PRAG1: variants seen among roughly 807,000 people sequenced by gnomAD.
PRAG1 encodes inactive tyrosine-protein kinase PRAG1.
In PRAG1, 110 loss-of-function variants were observed where a neutral mutation model predicts 95.6. That is an observed-to-expected ratio of 1.15 (90% CI 0.99 to 1.35). The LOEUF (loss-of-function observed/expected upper bound fraction) is 1.35. Among genes scored for constraint, PRAG1 ranks in the 40% most tolerant of loss-of-function variants. The pLI, the probability that PRAG1 is intolerant of heterozygous loss-of-function variation, is 0.00. For missense variants in PRAG1, 2,554 were observed against 1,864.7 expected (o/e 1.37, Z -6.81); for synonymous variants, 1,052 against 819.4 (o/e 1.28, Z -4.85).
At chr8:8,341,472 A>G (rs1228552769) in intron 3 of PRAG1, among the ~76,000 whole-genome samples, 2 of 152,244 alleles carry the variant, frequency 1.3e-5, no homozygotes, top group Admixed American at 6.5e-5. Flanking sequence ...TATTTACTAC[A>G]GATTTCAGTA....
chr8:8,352,926 A>C (rs1799571164), intron 3 of PRAG1, among the ~76,000 whole-genome samples: 1 of 152,228 alleles, frequency 6.6e-6, no homozygotes, highest in South Asian at 2.1e-4. Context: ...CAATACTTAT[A>C]TGAGATAAAA....
chr8:8,328,430 G>A lies in PRAG1; in HGVS notation c.2352C>T (p.Thr784=). ...GPSSELAHSP[T]NSGKKLFAPV... Reference sequence around the variant, plus strand: ...GAGCAAAGAGCTTCTTCCCGCTGTTGGTGGGCGAGTGAGCCAGCTCAGACG... The same window carrying A: ...GAGCAAAGAGCTTCTTCCCGCTGTTAGTGGGCGAGTGAGCCAGCTCAGACG... The change falls in exon 5 of 6, where the codon ACC becomes ACT. Residue 784 remains threonine (T), a synonymous_variant. Coordinates refer to ENST00000615670, the MANE Select transcript of PRAG1 (RefSeq NM_001080826.3). The A allele has an allele frequency of 1.2e-6, 2 of 1,613,694 alleles. No homozygotes were observed. Among genetic ancestry groups the A allele is most frequent in the Non-Finnish European group, 1.7e-6 (2 of 1,180,028 alleles).
intron 5 of PRAG1, among the ~76,000 whole-genome samples, chr8:8,324,582 C>T (rs1270797594): frequency 6.6e-6 from 1 of 152,110 alleles, no homozygotes; most frequent in East Asian, 1.9e-4. Flanking sequence ...TCCCTGCCCC[C>T]AACCAACCTC....
intron 5 of PRAG1, among the ~76,000 whole-genome samples, chr8:8,321,233 C>T (rs1798462930): frequency 6.6e-6 from 1 of 152,174 alleles, no homozygotes; most frequent in African/African-American, 2.4e-5. Context: ...TAGAGGTGTG[C>T]ACCACCATGT....
At chr8:8,364,251 GCTTCT>G (rs1361048004) in intron 3 of PRAG1, among the ~76,000 whole-genome samples, 3 of 152,164 alleles carry the variant, frequency 2.0e-5, no homozygotes, top group Non-Finnish European at 4.4e-5. Context: ...ACTGTTTTAT[GCTTCT>G]CTGATTATTA....
At chr8:8,325,710 A>C (rs531856526) in intron 5 of PRAG1, among the ~76,000 whole-genome samples, 1 of 152,142 alleles carries the variant, frequency 6.6e-6, no homozygotes, top group East Asian at 1.9e-4. Context: ...GGAGTTCGAG[A>C]CCAGCCTGGC....
intron 5 of PRAG1, among the ~76,000 whole-genome samples, chr8:8,324,535 G>A (rs1386710743): frequency 1.3e-5 from 2 of 152,124 alleles, no homozygotes; most frequent in African/African-American, 4.8e-5. Context: ...GGGCGGTGGG[G>A]GAGGGAGTGG....
In PRAG1 at chr8:8,318,689, T is replaced by C. The variant is rs763286098; in HGVS notation, c.3686A>G (p.Asn1229Ser). 6.2e-7 allele frequency: 1 copy of C among 1,610,632 alleles called. No individual in the cohort carries two copies. Among genetic ancestry groups the C allele is most frequent in the East Asian group, 2.2e-5 (1 of 44,760 alleles). The change falls in exon 6 of 6, where the codon AAC (asparagine) becomes AGC (serine). Residue 1229 changes from asparagine (N) to serine (S), a missense_variant. Transcript: ENST00000615670. This position sits in a 1 kb window ranked among gnomAD's most constrained non-coding sequence, Gnocchi z 4.2. ...KAKQKPGGTP[N>S]LQQKKSQARL... ...GGCCTGGCTCTTCTTCTGCTGCAGG[T>C]TTGGGGTGCCGCCCGGCTTCTGCTT... is the stretch of plus-strand genomic sequence containing the variant.
rs1488364080 is a variant in PRAG1 at position 8,376,818 on chromosome 8, G to C, written c.1591C>G (p.His531Asp). ...QGLSSRESHA[H>D]SASESKPKER... The stretch of plus-strand genomic sequence containing the variant: ...TTGGGCTTGCTCTCGCTGGCACTGT[G>C]AGCATGGCTTTCCCTGGAGCTCAGC... The change falls in exon 3 of 6, where the codon CAC (histidine) becomes GAC (aspartate). Residue 531 changes from histidine to aspartate, a missense_variant. Transcript: ENST00000615670. 2.5e-6 allele frequency: 4 copies of C among 1,612,124 alleles called. No individual in the cohort carries two copies. The highest frequency in any genetic ancestry group is 3.4e-6 in the Non-Finnish European group (4 of 1,179,872).
intron 5 of PRAG1, among the ~76,000 whole-genome samples, chr8:8,322,169 A>T (rs1563224971): frequency 6.6e-6 from 1 of 151,956 alleles, no homozygotes; most frequent in Non-Finnish European, 1.5e-5. Flanking sequence ...TTATATATAT[A>T]GTTTTGTTTT....
intron 4 of PRAG1, 30 bp from the exon 5 acceptor site, chr8:8,328,491 C>T (rs1270423732): frequency 6.2e-7 from 1 of 1,609,618 alleles, no homozygotes; most frequent in Admixed American, 1.7e-5. Flanking sequence ...ACCATAAGAC[C>T]AAGGCCAGTG....
intron 2 of PRAG1, among the ~76,000 whole-genome samples, chr8:8,378,721 C>T (rs34742161): frequency 0.15 from 22,196 of 151,834 alleles, 2,046 homozygotes; most frequent in East Asian, 0.24. Context: ...ACTTGGTGGG[C>T]GTGGTGGTGT....
chr8:8,362,207 G>A (rs886460679), intron 3 of PRAG1, among the ~76,000 whole-genome samples: 1 of 152,180 alleles, frequency 6.6e-6, no homozygotes, highest in African/African-American at 2.4e-5. Context: ...ACCCACGTCA[G>A]GATCTGCCCT....
Position 8,318,260 on chromosome 8 carries a change from T to A in PRAG1, c.4115A>T (p.Asp1372Val). ...MMMKFAEKAV[D>V]RRRGVELEDW... is the part of the protein sequence containing the mutation. ...CTCCAGCTCCACGCCCCGCCTGCGA[T>A]CCACCGCCTTCTCCGCAAACTTCAT... Residue 1372 changes from aspartate (D) to valine (V), a missense_variant, in exon 6 of 6, where the codon GAT (aspartate) becomes GTT (valine). Transcript: ENST00000615670. This position sits in a 1 kb window ranked among gnomAD's most constrained non-coding sequence, Gnocchi z 4.2. 6.2e-7 allele frequency: 1 copy of A among 1,614,146 alleles called. No individual in the cohort carries two copies.
chr8:8,382,558 C>T (rs1038610766), intron 1 of PRAG1, among the ~76,000 whole-genome samples: 1 of 152,156 alleles, frequency 6.6e-6, no homozygotes, highest in African/African-American at 2.4e-5. Flanking sequence ...AAGACAAATT[C>T]ATGGTCAAAG....
intron 1 of PRAG1, among the ~76,000 whole-genome samples, chr8:8,385,179 G>T (rs984484963): frequency 5.9e-5 from 9 of 152,060 alleles, no homozygotes; most frequent in African/African-American, 2.2e-4. Context: ...TTAATGCAAC[G>T]CCAGTAAAAG....
At position 8,339,713 on chromosome 8, in the gene PRAG1, T is replaced by A; in HGVS notation, c.2163-78A>T. ...AAACCAGGCTGATGGATCATGAACT[T>A]ACCATGCTCTTGAAACCTGGCCAAT... On this transcript the variant is annotated intron_variant, in intron 3 of 5. Coordinates refer to ENST00000615670, the MANE Select transcript of PRAG1 (RefSeq NM_001080826.3). 2.1e-6 allele frequency: 3 copies of A among 1,433,458 alleles called. No individual in the cohort carries two copies. In the South Asian group the frequency reaches 3.9e-5, roughly 18 times the overall value. The allele number at this position is 1,433,458 out of a possible 1,614,324, so 88.8% of individuals were successfully genotyped here.
chr8:8,341,349 T>C (rs1401128100), intron 3 of PRAG1, among the ~76,000 whole-genome samples: 1 of 152,160 alleles, frequency 6.6e-6, no homozygotes, highest in African/African-American at 2.4e-5. Context: ...CACACACACA[T>C]ACTTACTTAA....
intron 3 of PRAG1, among the ~76,000 whole-genome samples, chr8:8,353,853 T>C (rs1482684987): frequency 6.7e-6 from 1 of 150,000 alleles, no homozygotes; most frequent in East Asian, 1.9e-4. Flanking sequence ...GATAAAGAAG[T>C]AGTAGTAGTA....
Sources: gnomAD v4.1 joint callset for allele counts (sites outside exome capture counted in the v4.1 genomes callset) on GRCh38, gnomAD v4.1.1 for gene constraint, Gnocchi (gnomAD v3.1) non-coding constraint, MANE v1.5 for transcripts, NCBI Gene and HGNC (gene_info 2026-07-23, HGNC 2026-07-21) for gene names.